The following DMD variants were observed in gnomAD, a reference collection of about 807,000 sequenced individuals.
DMD encodes dystrophin, also known as mutant dystrophin.
DMD carries 63 observed loss-of-function variants against 330.1 expected under a neutral mutation model. The ratio of observed to expected loss-of-function variants is 0.19; its 90% confidence interval spans 0.16 to 0.24. The LOEUF is 0.24. Ranked by LOEUF, DMD falls within the 10% of genes least tolerant of loss-of-function variation. The pLI is 1.00. For synonymous variants in DMD, 1,223 were observed against 959.8 expected (o/e 1.27, Z -5.07); for missense variants, 3,344 against 2,684.1 (o/e 1.25, Z -5.43).
Position 33,167,835 on chromosome X carries a change from C to T in DMD, c.31+43447G>A, listed in dbSNP as rs188065027. Among the ~76,000 whole-genome samples, 3 of 111,040 alleles carry T rather than the reference C, an allele frequency of 2.7e-5. No homozygotes were observed. The East Asian group carries it at 8.4e-4, about 31-fold the overall frequency. ...TATGAATGGTGTGGCCTTCAGCATG[C>T]TCATTAACCATTCAGTGTCTTAAAT... On this transcript the variant is annotated intron_variant, in intron 1 of 78. Transcript: ENST00000357033.
intron 52 of DMD, among the ~76,000 whole-genome samples, chrX:31,694,618 A>ATATATATC (rs1491452779): frequency 3.4e-5 from 1 of 29,495 alleles, no homozygotes; most frequent in Non-Finnish European, 5.4e-5. Flanking sequence ...GACAAACAGC[A>ATATATATC]TATATATATA....
intron 17 of DMD, among the ~76,000 whole-genome samples, chrX:32,524,088 A>G (rs2046713224): frequency 9.2e-6 from 1 of 108,437 alleles, no homozygotes; most frequent in African/African-American, 3.4e-5. Context: ...GCCCGCCACC[A>G]CGCCCGGCTA....
chrX:32,396,010 A>G (rs184788494), intron 30 of DMD, among the ~76,000 whole-genome samples: 1 of 111,434 alleles, frequency 9.0e-6, no homozygotes, highest in East Asian at 2.8e-4. Context: ...CAAAGCAAAG[A>G]TAGCGTAAGT....
At chrX:31,780,434 G>A (rs764023576) in intron 50 of DMD, among the ~76,000 whole-genome samples, 1 of 112,105 alleles carries the variant, frequency 8.9e-6, no homozygotes, top group Admixed American at 9.4e-5. Context: ...GTCAACAGGA[G>A]AGCAATGTTA....
chrX:32,416,379 G>T (rs1355259440), intron 29 of DMD, among the ~76,000 whole-genome samples: 1 of 111,433 alleles, frequency 9.0e-6, no homozygotes, highest in African/African-American at 3.3e-5. Flanking sequence ...TTTATTTTTG[G>T]TGTTTAAATA....
rs182244236 is a variant in DMD, at chrX:31,717,572, C to G, written c.7660+12059G>C. 5.0e-3 allele frequency among the ~76,000 whole-genome samples: 554 copies of G among 111,892 alleles called. 1 individual carries two copies. Among genetic ancestry groups the G allele is most frequent in the South Asian group, 0.018 (47 of 2,652 alleles). On this transcript the variant is annotated intron_variant, in intron 52 of 78. Coordinates refer to ENST00000357033, the MANE Select transcript of DMD (RefSeq NM_004006.3). ...GGCTCCTACAAGGGATTAGACTAAA[C>G]CAAATCCTTCATGAGGAACAGGTAA... is the stretch of plus-strand genomic sequence containing the variant.
In DMD at chrX:31,607,760, G is replaced by A. The variant is rs774848261; in HGVS notation, c.8217+19913C>T. Among the ~76,000 whole-genome samples, 6 of 112,177 alleles carry A rather than the reference G, an allele frequency of 5.3e-5. 1 individual carries two copies. The South Asian group carries it at 1.8e-3, about 34-fold the overall frequency. ...AGTCTGAACATATAAAAAGATTGTC[G>A]TCAAGACAAATCCATTGCCTGGTTT... On this transcript the variant is annotated intron_variant, in intron 55 of 78. Transcript: ENST00000357033.
At chrX:32,786,048 G>C (rs1487006420) in intron 7 of DMD, among the ~76,000 whole-genome samples, 2 of 108,722 alleles carry the variant, frequency 1.8e-5, no homozygotes, top group Admixed American at 9.9e-5. Context: ...TTTATTAAGG[G>C]CTTCACCATG....
chrX:31,749,512 A>T (rs1244531820), intron 51 of DMD, among the ~76,000 whole-genome samples: 1 of 107,373 alleles, frequency 9.3e-6, no homozygotes, highest in Non-Finnish European at 1.9e-5. Flanking sequence ...CATGGTGTAT[A>T]TGTGCCACAT....
At chrX:31,372,106 G>T (rs1241276700) in intron 60 of DMD, among the ~76,000 whole-genome samples, 1 of 111,512 alleles carries the variant, frequency 9.0e-6, no homozygotes, top group Non-Finnish European at 1.9e-5. Context: ...TAATGACGTT[G>T]TCTCTCCAAA....
chrX:32,471,170 C>T (rs1382595957), intron 22 of DMD, among the ~76,000 whole-genome samples: 1 of 110,971 alleles, frequency 9.0e-6, no homozygotes, highest in Non-Finnish European at 1.9e-5. Context: ...CCCAGCTACT[C>T]AGGAGGCTAA....
chrX:32,716,108 T>C (rs1603250289), intron 7 of DMD, among the ~76,000 whole-genome samples: 1 of 111,775 alleles, frequency 8.9e-6, no homozygotes, highest in Non-Finnish European at 1.9e-5. Context: ...AGAAAAATAC[T>C]GAACAGCGTC....
intron 1 of DMD, among the ~76,000 whole-genome samples, chrX:33,156,652 G>A (rs1366693819): frequency 1.8e-5 from 2 of 111,986 alleles, no homozygotes; most frequent in Non-Finnish European, 3.8e-5. Context: ...CAAATATAAT[G>A]TGCTCTTGCT....
Position 32,717,801 on chromosome X carries a change from G to A in DMD, c.650-18508C>T, listed in dbSNP as rs1435190782. On this transcript the variant is annotated intron_variant, in intron 7 of 78. Coordinates refer to ENST00000357033, the MANE Select transcript of DMD (RefSeq NM_004006.3). ...CAGGGATGGAGATGCCCAAGGCCTTGGGAGCCTGTCCCTTGCATCACTGTG... is the reference window on the plus strand; with the variant it reads ...CAGGGATGGAGATGCCCAAGGCCTTAGGAGCCTGTCCCTTGCATCACTGTG... Among the ~76,000 whole-genome samples the A allele has an allele frequency of 8.1e-5, 9 of 111,675 alleles. No individual in the cohort carries two copies. The Admixed American group carries it at 8.6e-4, about 11-fold the overall frequency.
At chrX:31,165,778 C>T (rs768579403) in intron 74 of DMD, among the ~76,000 whole-genome samples, 30 of 111,719 alleles carry the variant, frequency 2.7e-4, no homozygotes, top group East Asian at 8.4e-4. Context: ...GATGCAGAAG[C>T]GAAATATTAA....
At chrX:31,659,639 G>GAA (rs869195395) in intron 53 of DMD, among the ~76,000 whole-genome samples, 21 of 39,957 alleles carry the variant, frequency 5.3e-4, no homozygotes, top group South Asian at 1.7e-3. Context: ...CTCCATCTCG[G>GAA]AAAAAAAAAA....
rs201621257 is a variant in DMD, at chrX:31,959,769, G to GTT, written c.6614+8568_6614+8569dup. Among the ~76,000 whole-genome samples the GTT allele has an allele frequency of 2.6e-3, 210 of 80,855 alleles. 2 individuals carry two copies. Among genetic ancestry groups the GTT allele is most frequent in the African/African-American group, 8.5e-3 (172 of 20,340 alleles). The allele number at this position is 80,855 out of a possible 115,157, so 70.2% of individuals were successfully genotyped here. A position where few individuals can be genotyped will look rare whatever the true frequency, so the allele number is the denominator to read the frequency against. ...CTACATCTAATTCAACAGCACCGTG[G>GTT]TTTTTTTTTTTTTTTTTTTTTTCCT... is the stretch of plus-strand genomic sequence containing the variant. On this transcript the variant is annotated intron_variant, in intron 45 of 78. Transcript: ENST00000357033.
chrX:32,000,506 T>A (rs941946770), intron 44 of DMD, among the ~76,000 whole-genome samples: 2 of 112,030 alleles, frequency 1.8e-5, no homozygotes, highest in Non-Finnish European at 1.9e-5. Flanking sequence ...CCTTAAATGC[T>A]AGTTTTTAAC....
intron 55 of DMD, among the ~76,000 whole-genome samples, chrX:31,586,187 G>A (rs1409615929): frequency 9.0e-6 from 1 of 111,464 alleles, no homozygotes; most frequent in African/African-American, 3.3e-5. Flanking sequence ...CAACTATGTC[G>A]GGGGAAAAAT....
Sources: gnomAD v4.1 joint callset for allele counts (sites outside exome capture counted in the v4.1 genomes callset) on GRCh38, gnomAD v4.1.1 for gene constraint, MANE v1.5 for transcripts, NCBI Gene and HGNC (gene_info 2026-07-23, HGNC 2026-07-21) for gene names.